TNN: variants seen among roughly 807,000 people sequenced by gnomAD.
The protein encoded by TNN is tenascin N.
In TNN, 122 loss-of-function variants were observed where a neutral mutation model predicts 134.4. The ratio of observed to expected loss-of-function variants is 0.91; its 90% confidence interval spans 0.78 to 1.06. The LOEUF is 1.06. Among genes scored for constraint, TNN ranks in the 50% least tolerant of loss-of-function variants. The pLI is 0.00. For synonymous variants in TNN, 710 were observed against 670.3 expected (o/e 1.06, Z -0.91); for missense variants, 1,739 against 1,699.4 (o/e 1.02, Z -0.41).
intron 4 of TNN, among the ~76,000 whole-genome samples, chr1:175,083,484 G>A (rs1674247021): frequency 6.6e-6 from 1 of 152,174 alleles, no homozygotes; most frequent in Non-Finnish European, 1.5e-5. Flanking sequence ...AAGTCAGTGT[G>A]GACAGGGAAG....
chr1:175,128,755 C>T lies in TNN; in HGVS notation c.3330+9C>T, dbSNP rs1451766939. ...ACGGAGGTGGCTGGATTGTGAGTCA[C>T]GCAGAACCCTGGGGAGCTCTGTGTA... On this transcript the variant is annotated intron_variant, in intron 15 of 18. Transcript: ENST00000239462. The T allele has an allele frequency of 7.5e-6, 12 of 1,610,370 alleles. No homozygotes were observed. Among genetic ancestry groups the T allele is most frequent in the South Asian group, 4.4e-5 (4 of 90,436 alleles).
chr1:175,131,727 C>A (rs374870865), intron 15 of TNN, among the ~76,000 whole-genome samples: 1 of 152,034 alleles, frequency 6.6e-6, no homozygotes, highest in Non-Finnish European at 1.5e-5. Flanking sequence ...ATGATCTTGC[C>A]GAAGCCTTGA....
At chr1:175,122,872 G>A (rs1675412818) in intron 11 of TNN, among the ~76,000 whole-genome samples, 1 of 152,208 alleles carries the variant, frequency 6.6e-6, no homozygotes, top group Non-Finnish European at 1.5e-5. Flanking sequence ...AGAAAGGGCA[G>A]ATCTGCAGCA....
At chr1:175,085,317 C>G (rs1558350840) in intron 5 of TNN, 88 bp from the exon 6 acceptor site, 1 of 849,588 alleles carries the variant, frequency 1.2e-6, no homozygotes, top group Non-Finnish European at 2.0e-6. Flanking sequence ...CTCATCTTCC[C>G]TCACGGGAGA....
At chr1:175,123,336 G>C in intron 11 of TNN, 64 bp from the exon 12 acceptor site, 5 of 1,549,942 alleles carry the variant, frequency 3.2e-6, no homozygotes, top group Non-Finnish European at 4.4e-6. Context: ...CTGGTGATGA[G>C]GTGGTAAGAT....
chr1:175,140,437 A>G (rs1283861170), intron 17 of TNN, among the ~76,000 whole-genome samples: 1 of 152,162 alleles, frequency 6.6e-6, no homozygotes, highest in African/African-American at 2.4e-5. Context: ...CTGGTCAGGA[A>G]CCTCACTCAG....
intron 15 of TNN, among the ~76,000 whole-genome samples, 176 bp from the exon 16 acceptor site, chr1:175,135,669 A>T (rs1299956125): frequency 6.6e-6 from 1 of 152,266 alleles, no homozygotes; most frequent in Non-Finnish European, 1.5e-5. Flanking sequence ...CGGTACATAT[A>T]AAGAATGCTT....
At chr1:175,119,670 T>C (rs1374204770) in intron 11 of TNN, among the ~76,000 whole-genome samples, 1 of 139,768 alleles carries the variant, frequency 7.2e-6, no homozygotes, top group African/African-American at 2.8e-5. Flanking sequence ...AGTCTTGCCC[T>C]GTCGCCCAGG....
chr1:175,119,638 C>CTTTTTTTTTTT (rs869293406), intron 11 of TNN, among the ~76,000 whole-genome samples: 1 of 131,572 alleles, frequency 7.6e-6, no homozygotes, highest in African/African-American at 3.1e-5. Context: ...CCTTTTTTTT[C>CTTTTTTTTTTT]TTTTTTTTTT....
chr1:175,147,111 T>G lies in TNN; in HGVS notation c.*40T>G, dbSNP rs199726462. ...AGTCCTCGCAGGAGACACCACCAGC[T>G]GTGGCAGCTTGGGGCGGGGTGGGTA... is the stretch of plus-strand genomic sequence containing the variant. On this transcript the variant is annotated 3_prime_UTR_variant, in exon 19 of 19. Transcript: ENST00000239462. The G allele has an allele frequency of 7.0e-5, 104 of 1,485,966 alleles. No homozygotes were observed. Among genetic ancestry groups the G allele is most frequent in the Non-Finnish European group, 5.1e-5 (56 of 1,108,104 alleles). 92.0% of individuals were successfully genotyped at this position (1,485,966 alleles called of 1,614,324 possible).
chr1:175,137,255 C>T (rs1306278182), intron 17 of TNN, among the ~76,000 whole-genome samples: 1 of 152,002 alleles, frequency 6.6e-6, no homozygotes, highest in Non-Finnish European at 1.5e-5. Flanking sequence ...TCCTCTTATT[C>T]AGGCTGTTGT....
intron 11 of TNN, among the ~76,000 whole-genome samples, chr1:175,121,177 C>A (rs538736349): frequency 6.6e-6 from 1 of 152,220 alleles, no homozygotes; most frequent in Non-Finnish European, 1.5e-5. Flanking sequence ...CTAATGGCTA[C>A]GGTATCGGAC....
chr1:175,083,192 TG>T (rs1674239205), intron 4 of TNN, among the ~76,000 whole-genome samples: 2 of 152,232 alleles, frequency 1.3e-5, no homozygotes, highest in South Asian at 4.1e-4. Context: ...TTTATAGTTT[TG>T]CCTAGGGTTC....
At chr1:175,108,261 A>T (rs1479151881) in intron 9 of TNN, among the ~76,000 whole-genome samples, 1 of 152,012 alleles carries the variant, frequency 6.6e-6, no homozygotes, top group African/African-American at 2.4e-5. Context: ...CAGAGCAGCT[A>T]GATACAGAGT....
chr1:175,093,098 A>T (rs1335965090), intron 6 of TNN, among the ~76,000 whole-genome samples: 1 of 152,244 alleles, frequency 6.6e-6, no homozygotes, highest in African/African-American at 2.4e-5. Flanking sequence ...TACTTAGTGT[A>T]AAAGACAATG....
At chr1:175,128,880 C>A in intron 15 of TNN, 134 bp downstream of exon 15, 2 of 990,100 alleles carry the variant, frequency 2.0e-6, no homozygotes, top group African/African-American at 1.7e-5. Flanking sequence ...GTTTTGGTGG[C>A]TTGTAGCTGT....
intron 9 of TNN, among the ~76,000 whole-genome samples, chr1:175,106,231 A>G (rs1179278315): frequency 6.9e-6 from 1 of 145,784 alleles, no homozygotes; most frequent in Non-Finnish European, 1.5e-5. Flanking sequence ...TAAAGATGTT[A>G]TGCCACAAAA....
At chr1:175,111,628 T>C (rs1225017066) in intron 9 of TNN, among the ~76,000 whole-genome samples, 1 of 151,918 alleles carries the variant, frequency 6.6e-6, no homozygotes, top group Non-Finnish European at 1.5e-5. Flanking sequence ...TTCATAGACA[T>C]AGGATATATT....
In TNN at chr1:175,128,728, G is replaced by A. The variant is rs12022593; in HGVS notation, c.3312G>A (p.Thr1104=). Residue 1104 remains threonine, a synonymous_variant, in exon 15 of 19, where the codon ACG becomes ACA. Transcript: ENST00000239462. ...TGCAGGTGTACTGTGACATGGAAAC[G>A]GACGGAGGTGGCTGGATTGTGAGTC... ...RPLQVYCDME[T]DGGGWIVFQR... 344,722 of 1,612,908 alleles carry A rather than the reference G, an allele frequency of 0.21. 37,609 individuals are homozygous for A. Among genetic ancestry groups the A allele is most frequent in the East Asian group, 0.24 (10,742 of 44,826 alleles).
Sources: allele counts gnomAD v4.1 joint callset (sites outside exome capture counted in the v4.1 genomes callset), GRCh38; gene constraint gnomAD v4.1.1; transcripts MANE v1.5; gene names NCBI Gene and HGNC (gene_info 2026-07-23, HGNC 2026-07-21).